Variants in ZNF248 observed in about 807,000 individuals in gnomAD.
The protein encoded by ZNF248 is KRAB protein domain.
Under a neutral mutation model 44.3 loss-of-function variants are expected in ZNF248, and 20 were observed. That is an observed-to-expected ratio of 0.45 (90% CI 0.32 to 0.66). The LOEUF (loss-of-function observed/expected upper bound fraction) is 0.66, where lower values mean the gene tolerates loss of function less well. Ranked by LOEUF, ZNF248 falls within the 30% of genes least tolerant of loss-of-function variation. The pLI is 0.04. For synonymous variants in ZNF248, 224 were observed against 229.0 expected (o/e 0.98, Z 0.20); for missense variants, 654 against 677.0 (o/e 0.97, Z 0.38).
At chr10:37,843,720 A>C (rs2058766673) in intron 3 of ZNF248, among the ~76,000 whole-genome samples, 1 of 152,208 alleles carries the variant, frequency 6.6e-6, no homozygotes, top group Middle Eastern at 3.2e-3. Context: ...GAAATTGTAA[A>C]AAGAAACCAA....
At chr10:37,765,629 G>A in the ZNF248 span, among the ~76,000 whole-genome samples, 10 of 152,214 alleles carry the variant, frequency 6.6e-5, no homozygotes, top group Middle Eastern at 3.4e-3. Context: ...ATTAATAATC[G>A]ATGCACACTG....
At chr10:37,771,073 T>TA in the ZNF248 span, among the ~76,000 whole-genome samples, 3 of 152,116 alleles carry the variant, frequency 2.0e-5, no homozygotes, top group Non-Finnish European at 2.9e-5. Context: ...CACAATGAGA[T>TA]ACCATCTCAC....
At chr10:37,775,068 C>A (rs552571135), downstream of ZNF248, among the ~76,000 whole-genome samples, 5 of 152,300 alleles carry the variant, frequency 3.3e-5, no homozygotes, top group Admixed American at 3.3e-4. Context: ...CCACACCTGG[C>A]CTCTTTTGTT....
intron 5 of ZNF248, among the ~76,000 whole-genome samples, chr10:37,834,633 C>G (rs1431483657): frequency 1.3e-5 from 2 of 152,122 alleles, no homozygotes; most frequent in Non-Finnish European, 2.9e-5. Flanking sequence ...ATGAACAGGT[C>G]TAAGTTTTTG....
Position 37,831,607 on chromosome 10 carries a change from T to TCTAA in ZNF248, c.*4_*7dup. 1 of 1,610,424 alleles carries TCTAA rather than the reference T, an allele frequency of 6.2e-7. No individual in the cohort carries two copies. The highest frequency in any genetic ancestry group is 2.2e-5 in the East Asian group (1 of 44,836). On this transcript the variant is annotated 3_prime_UTR_variant, in exon 6 of 6. Transcript: ENST00000395867. ...CCAATTTCACAAGTGTATGAAGGCT[T>TCTAA]CTAACATTCAGGATGTTGAAAGAGC...
downstream of ZNF248, among the ~76,000 whole-genome samples, chr10:37,824,848 ATTTTTTT>A (rs36011714): frequency 2.6e-5 from 3 of 115,222 alleles, no homozygotes; most frequent in Non-Finnish European, 5.5e-5. Flanking sequence ...CACCCAGCTG[ATTTTTTT>A]TTTTTTTTTT....
intron 6 of ZNF248, among the ~76,000 whole-genome samples, chr10:37,808,100 T>C (rs1418911701): frequency 6.6e-6 from 1 of 152,144 alleles, no homozygotes; most frequent in African/African-American, 2.4e-5. Flanking sequence ...CTTCATCAAT[T>C]GACATCATGT....
downstream of ZNF248, chr10:37,775,397 G>A (rs2046511209): frequency 6.6e-6 from 1 of 152,124 alleles, no homozygotes; most frequent in Non-Finnish European, 1.5e-5. Flanking sequence ...GAAGCTGAAT[G>A]TACAGTTACG....
chr10:37,839,780 T>C (rs2057999218), intron 3 of ZNF248, among the ~76,000 whole-genome samples: 1 of 152,164 alleles, frequency 6.6e-6, no homozygotes, highest in Non-Finnish European at 1.5e-5. Context: ...AGAAAATCAG[T>C]AGGTACATAT....
chr10:37,843,516 T>C (rs1279595633), intron 3 of ZNF248, among the ~76,000 whole-genome samples: 3 of 151,574 alleles, frequency 2.0e-5, no homozygotes, highest in African/African-American at 7.3e-5. Flanking sequence ...AATATTCAAA[T>C]GTCCAATTTC....
intron 6 of ZNF248, among the ~76,000 whole-genome samples, chr10:37,817,209 G>A (rs2052629432): frequency 6.6e-6 from 1 of 152,120 alleles, no homozygotes; most frequent in Non-Finnish European, 1.5e-5. Flanking sequence ...GACCTGGGAG[G>A]AAGACGGGAG....
chr10:37,781,512 C>G (rs2047317321), intron 6 of ZNF248, among the ~76,000 whole-genome samples: 3 of 152,140 alleles, frequency 2.0e-5, no homozygotes, highest in Admixed American at 2.0e-4. Context: ...AAATTTGTAA[C>G]AGTTTTTCCT....
intron 3 of ZNF248, among the ~76,000 whole-genome samples, chr10:37,840,642 G>C (rs1308317428): frequency 6.6e-6 from 1 of 152,126 alleles, no homozygotes; most frequent in Non-Finnish European, 1.5e-5. Flanking sequence ...AATTAGCCGG[G>C]TGTAGTGGCA....
chr10:37,807,980 T>C (rs1293486909), intron 6 of ZNF248, among the ~76,000 whole-genome samples: 1 of 152,192 alleles, frequency 6.6e-6, no homozygotes, highest in Non-Finnish European at 1.5e-5. Flanking sequence ...ATTTTTAATA[T>C]ATGGTTTTTA....
chr10:37,818,287 G>A (rs964957648), intron 6 of ZNF248, among the ~76,000 whole-genome samples: 3 of 152,170 alleles, frequency 2.0e-5, no homozygotes, highest in Non-Finnish European at 2.9e-5. Flanking sequence ...GAGTCTGCAT[G>A]TTTTCAAGTT....
chr10:37,760,631 C>T, the ZNF248 span, among the ~76,000 whole-genome samples: 1 of 152,106 alleles, frequency 6.6e-6, no homozygotes, highest in Non-Finnish European at 1.5e-5. Flanking sequence ...GTCAGCAGCT[C>T]GAGACAAGCC....
At chr10:37,855,130 C>T (rs2061046456) in intron 3 of ZNF248, among the ~76,000 whole-genome samples, 1 of 152,098 alleles carries the variant, frequency 6.6e-6, no homozygotes. Context: ...TAAAGAAACA[C>T]TGGCAAAGTA....
downstream of ZNF248, chr10:37,828,648 A>G (rs2054810316): frequency 1.0e-6 from 1 of 980,308 alleles, no homozygotes; most frequent in African/African-American, 1.7e-5. Context: ...TTCTATTACT[A>G]GAAGAATGCA....
At chr10:37,763,451 G>T in the ZNF248 span, among the ~76,000 whole-genome samples, 1 of 152,196 alleles carries the variant, frequency 6.6e-6, no homozygotes, top group East Asian at 1.9e-4. Context: ...GAAACAGTTT[G>T]CTGTTTGATC....
Sources: allele counts gnomAD v4.1 joint callset (sites outside exome capture counted in the v4.1 genomes callset), GRCh38; gene constraint gnomAD v4.1.1; transcripts MANE v1.5; gene names NCBI Gene and HGNC (gene_info 2026-07-23, HGNC 2026-07-21).